RYR3: variants seen among roughly 807,000 people sequenced by gnomAD.
The protein encoded by RYR3 is ryanodine receptor 3, also known as brain ryanodine receptor-calcium release channel.
In RYR3, 207 loss-of-function variants were observed where a neutral mutation model predicts 584.3. The observed-to-expected ratio is 0.35, with a 90% CI of 0.32 to 0.40. The LOEUF (loss-of-function observed/expected upper bound fraction) is 0.40, where lower values mean the gene tolerates loss of function less well. RYR3 is among the 10% of genes least tolerant of loss of function. The pLI, the probability that RYR3 is intolerant of heterozygous loss-of-function variation, is 1.00. For missense variants in RYR3, 5,616 were observed against 6,089.2 expected, an observed-to-expected ratio of 0.92 and a Z score of 2.59; for synonymous variants, 2,416 against 2,248.5, an observed-to-expected ratio of 1.07 and a Z score of -2.11.
In RYR3 at chr15:33,649,084, G is replaced by A. The variant is rs758679094; in HGVS notation, c.3991G>A (p.Ala1331Thr). 48 of 1,612,962 alleles carry A rather than the reference G, an allele frequency of 3.0e-5. No individual in the cohort carries two copies. The highest frequency in any genetic ancestry group is 3.6e-5 in the Non-Finnish European group (43 of 1,179,718). ...GGTCTCTCCACAGCAGTGCTACTACGCCATCCGCATCTTTGCTGGACAGGA... is the reference window on the plus strand; with the variant it reads ...GGTCTCTCCACAGCAGTGCTACTACACCATCCGCATCTTTGCTGGACAGGA... ...LSHTTTQCYY[A>T]IRIFAGQDPS... Residue 1331 changes from alanine (A) to threonine (T), a missense_variant, in exon 31 of 104, where the codon GCC becomes ACC. Ala to Thr is a moderately conservative substitution (Grantham distance 58). This residue lies in a region of RYR3 where 753 missense variants were observed against 741.0 expected (regional missense o/e 1.02). Coordinates refer to ENST00000634891, the MANE Select transcript of RYR3 (RefSeq NM_001036.6).
chr15:33,681,719 A>G (rs1596129743), intron 38 of RYR3, among the ~76,000 whole-genome samples: 1 of 152,202 alleles, frequency 6.6e-6, no homozygotes, highest in African/African-American at 2.4e-5. Flanking sequence ...TTCTTTTCCC[A>G]TTGTAATGTG....
intron 102 of RYR3, among the ~76,000 whole-genome samples, chr15:33,863,377 C>T (rs1416263232): frequency 1.3e-5 from 2 of 152,166 alleles, no homozygotes; most frequent in African/African-American, 2.4e-5. Flanking sequence ...ACGCTCTATA[C>T]ACTATACCAC....
At chr15:33,784,895 T>C (rs913933725) in intron 65 of RYR3, among the ~76,000 whole-genome samples, 3 of 152,190 alleles carry the variant, frequency 2.0e-5, no homozygotes, top group African/African-American at 7.2e-5. Context: ...CCCTCCCTGG[T>C]TGAATATTGA....
chr15:33,743,300 CT>C lies in RYR3; in HGVS notation c.7899+857del, dbSNP rs2070354508. On this transcript the variant is annotated intron_variant, in intron 52 of 103. Transcript: ENST00000634891. ...GCTATCATTGTAACTGTAGAACGGG[CT>C]AATACCTCATGATTCTAAAACAGGA... Among the ~76,000 whole-genome samples, 3 of 152,216 alleles carry C rather than the reference CT, an allele frequency of 2.0e-5. No individual in the cohort carries two copies. In the South Asian group the frequency reaches 6.2e-4, roughly 32 times the overall value.
intron 93 of RYR3, among the ~76,000 whole-genome samples, chr15:33,846,211 G>A (rs1351530169): frequency 6.6e-6 from 1 of 152,244 alleles, no homozygotes; most frequent in African/African-American, 2.4e-5. Flanking sequence ...AGAGCATGGA[G>A]GTGGAAGCTG....
intron 8 of RYR3, among the ~76,000 whole-genome samples, chr15:33,544,582 A>G (rs966194595): frequency 6.6e-6 from 1 of 152,214 alleles, no homozygotes. Flanking sequence ...CCTAGAAGCC[A>G]GAGCTGCTGA....
intron 99 of RYR3, 36 bp from the exon 100 acceptor site, chr15:33,859,539 A>C: frequency 1.2e-6 from 2 of 1,611,782 alleles, no homozygotes; most frequent in Non-Finnish European, 1.7e-6. Flanking sequence ...CAGAACTGTG[A>C]CTTTTGCCTA....
At chr15:33,763,892 C>CAAAAACAAAAAAAAAA (rs1555447212) in intron 60 of RYR3, among the ~76,000 whole-genome samples, 1 of 45,870 alleles carries the variant, frequency 2.2e-5, no homozygotes, top group African/African-American at 9.0e-5. Flanking sequence ...GACTTCATCT[C>CAAAAACAAAAAAAAAA]AAAAAAAAAA....
At chr15:33,859,848 T>TTAGCAAGA in intron 100 of RYR3, 117 bp downstream of exon 100, 1 of 1,170,004 alleles carries the variant, frequency 8.5e-7, no homozygotes, top group Non-Finnish European at 1.2e-6. Context: ...ACTTGTTAAT[T>TTAGCAAGA]TAGCAAGAAC....
At chr15:33,605,004 A>G (rs10519835) in intron 18 of RYR3, among the ~76,000 whole-genome samples, 32,108 of 152,134 alleles carry the variant, frequency 0.21, 4,079 homozygotes, top group South Asian at 0.3. Context: ...ATAGCCCAAG[A>G]ATGTTCTCTG....
intron 48 of RYR3, among the ~76,000 whole-genome samples, chr15:33,735,514 C>G (rs8037087): frequency 0.37 from 55,707 of 152,004 alleles, 10,542 homozygotes; most frequent in East Asian, 0.58. Context: ...AACTTATATA[C>G]CAAATTGTGT....
At chr15:33,596,495 T>TGC (rs71454518) in intron 16 of RYR3, among the ~76,000 whole-genome samples, 13,449 of 132,948 alleles carry the variant, frequency 0.1, 922 homozygotes, top group Middle Eastern at 0.15. Context: ...GTTCTTTTTT[T>TGC]GGGGGGGGGG....
In RYR3 at chr15:33,838,150, A is replaced by G; in HGVS notation, c.12170A>G (p.Glu4057Gly). Reference protein sequence around the residue: ...EISESSRTQWEKPQVKESKRQ... With the variant: ...EISESSRTQWGKPQVKESKRQ... ...AGTGAATCCAGTCGCACTCAGTGGG[A>G]GAAGCCCCAGGTGAAGGAATCTAAG... The change falls in exon 89 of 104, where the codon GAG becomes GGG. Residue 4057 changes from glutamate (E) to glycine (G), a missense_variant. Transcript: ENST00000634891. The G allele has an allele frequency of 6.2e-7, 1 of 1,614,022 alleles. No individual in the cohort carries two copies. The highest frequency in any genetic ancestry group is 1.1e-5 in the South Asian group (1 of 91,082).
chr15:33,322,632 C>G (rs923542044), intron 1 of RYR3, among the ~76,000 whole-genome samples: 1 of 152,168 alleles, frequency 6.6e-6, no homozygotes, highest in Non-Finnish European at 1.5e-5. Context: ...TTTGTACATA[C>G]ATTTTATTAT....
At chr15:33,420,155 C>G (rs2044135364) in intron 1 of RYR3, among the ~76,000 whole-genome samples, 1 of 152,196 alleles carries the variant, frequency 6.6e-6, no homozygotes, top group African/African-American at 2.4e-5. Context: ...ATCACACTTT[C>G]TCCTTTGGAG....
intron 93 of RYR3, among the ~76,000 whole-genome samples, chr15:33,845,890 A>G (rs550020750): frequency 7.2e-5 from 11 of 152,348 alleles, no homozygotes; most frequent in Admixed American, 7.2e-4. Flanking sequence ...AATGACAACT[A>G]TTTATCTCTG....
intron 1 of RYR3, among the ~76,000 whole-genome samples, chr15:33,459,363 C>T (rs1236349680): frequency 5.9e-5 from 9 of 152,004 alleles, no homozygotes; most frequent in Non-Finnish European, 7.4e-5. Context: ...TTCCCTTTTG[C>T]CCTGGGGTAG....
At chr15:33,720,590 G>A (rs748581379) in intron 43 of RYR3, among the ~76,000 whole-genome samples, 3 of 152,352 alleles carry the variant, frequency 2.0e-5, no homozygotes, top group Non-Finnish European at 2.9e-5. Flanking sequence ...CTGCCAGGGT[G>A]TGGTGGCTCA....
In RYR3 at chr15:33,864,183, G is replaced by A. The variant is rs758219464; in HGVS notation, c.14511G>A (p.Thr4837=). Residue 4837 remains threonine (T), a synonymous_variant, in exon 103 of 104, where the codon ACG becomes ACA. Coordinates refer to ENST00000634891, the MANE Select transcript of RYR3 (RefSeq NM_001036.6). ...TTAATAAAGATGAAACAGAGCACAC[G>A]GGTCAGGTGAGAAATTAAGAATCAT... ...YLINKDETEH[T]GQESYVWKMY... The A allele has an allele frequency of 1.7e-5, 28 of 1,610,678 alleles. No individual in the cohort carries two copies. The highest frequency in any genetic ancestry group is 1.7e-4 in the African/African-American group (13 of 74,884).
Sources: gnomAD v4.1 joint callset for allele counts (sites outside exome capture counted in the v4.1 genomes callset) on GRCh38, gnomAD v4.1.1 for gene constraint, gnomAD v4.1.1 regional missense constraint, MANE v1.5 for transcripts, NCBI Gene and HGNC (gene_info 2026-07-23, HGNC 2026-07-21) for gene names.